The following HIPK1 variants were observed in gnomAD, a reference collection of about 807,000 sequenced individuals.
The protein encoded by HIPK1 is homeodomain interacting protein kinase 1.
HIPK1 carries 28 observed loss-of-function variants against 117.1 expected under a neutral mutation model. The ratio of observed to expected loss-of-function variants is 0.24; its 90% CI spans 0.18 to 0.33. The LOEUF (loss-of-function observed/expected upper bound fraction) is 0.33, where lower values mean the gene tolerates loss of function less well. Ranked by LOEUF, HIPK1 falls within the 10% of genes least tolerant of loss-of-function variation. HIPK1 has a pLI of 1.00. For synonymous variants in HIPK1, 605 were observed against 562.5 expected, an observed-to-expected ratio of 1.08 and a Z score of -1.07; for missense variants, 1,122 against 1,475.1, an observed-to-expected ratio of 0.76 and a Z score of 3.92.
chr1:113,966,038 T>C, intron 10 of HIPK1, 92 bp from the exon 11 acceptor site: 1 of 1,306,782 alleles, frequency 7.7e-7, no homozygotes, highest in South Asian at 1.4e-5. Flanking sequence ...GCAACTTCTT[T>C]TAAGATATGA....
intron 1 of HIPK1, among the ~76,000 whole-genome samples, chr1:113,933,794 G>C (rs1571639954): frequency 6.6e-6 from 1 of 152,250 alleles, no homozygotes; most frequent in East Asian, 1.9e-4. Context: ...TTGAGCCCTG[G>C]AGGTCCAGGC....
chr1:113,935,491 T>A (rs1365846350), intron 1 of HIPK1, among the ~76,000 whole-genome samples: 1 of 152,254 alleles, frequency 6.6e-6, no homozygotes, highest in Non-Finnish European at 1.5e-5. Flanking sequence ...AGTGAACATA[T>A]GCTTGTGTCT....
chr1:113,956,294 G>T (rs1671720645), intron 5 of HIPK1, among the ~76,000 whole-genome samples: 1 of 151,770 alleles, frequency 6.6e-6, no homozygotes, highest in Admixed American at 6.6e-5. Flanking sequence ...GCCAGGCTGG[G>T]TCTCAAACTC....
At chr1:113,948,230 A>G (rs79869479) in intron 2 of HIPK1, among the ~76,000 whole-genome samples, 5 of 152,290 alleles carry the variant, frequency 3.3e-5, no homozygotes, top group African/African-American at 7.2e-5. Context: ...GGCCCAAATA[A>G]TACAAAACCC....
At chr1:113,942,616 T>A (rs991457098) in intron 2 of HIPK1, among the ~76,000 whole-genome samples, 1 of 152,214 alleles carries the variant, frequency 6.6e-6, no homozygotes, top group Admixed American at 6.5e-5. Context: ...TATCCTAGAA[T>A]GGCCTTGACC....
intron 4 of HIPK1, among the ~76,000 whole-genome samples, chr1:113,955,015 G>T (rs1291419950): frequency 1.3e-5 from 2 of 152,226 alleles, no homozygotes; most frequent in African/African-American, 4.8e-5. Context: ...AGAAAGTTTG[G>T]AGGGTAGTGC....
Position 113,940,698 on chromosome 1 carries a change from C to G in HIPK1, c.315C>G (p.Thr105=). ...CATCAACCTTCCAAAGCAGCCAGAC[C>G]CTGACTCACAGAAGCAACGTTTCTT... ...AATSTFQSSQ[T]LTHRSNVSLL... is the part of the protein sequence containing the mutation. The change falls in exon 2 of 16, where the codon ACC becomes ACG. Residue 105 remains threonine (T), a synonymous_variant. Transcript: ENST00000426820. 2 of 1,614,152 alleles carry G rather than the reference C, an allele frequency of 1.2e-6. No homozygotes were observed. The highest frequency in any genetic ancestry group is 1.7e-6 in the Non-Finnish European group (2 of 1,180,044).
chr1:113,942,615 A>G (rs1486341623), intron 2 of HIPK1, among the ~76,000 whole-genome samples: 1 of 152,188 alleles, frequency 6.6e-6, no homozygotes, highest in Non-Finnish European at 1.5e-5. Flanking sequence ...TTATCCTAGA[A>G]TGGCCTTGAC....
At position 113,941,798 on chromosome 1, in the gene HIPK1, C is replaced by T. The variant is rs1419641799; in HGVS notation, c.1076+339C>T. Among the ~76,000 whole-genome samples, 3 of 152,144 alleles carry T rather than the reference C, an allele frequency of 2.0e-5. No homozygotes were observed. In the East Asian group the frequency reaches 5.8e-4, roughly 29 times the overall value. On this transcript the variant is annotated intron_variant, in intron 2 of 15. Coordinates refer to ENST00000426820, the MANE Select transcript of HIPK1 (RefSeq NM_198268.3). This position sits in a 1 kb window ranked among gnomAD's most constrained non-coding sequence, Gnocchi z 4.9. ...ATTTAGAGACAGAATCTCGCTCTGT[C>T]GCCCAGGCTGGAGTGCAGTGGCGTG...
chr1:113,962,372 T>A lies in HIPK1; in HGVS notation c.2037T>A (p.Ala679=). ...HSGFPVRMDN[A]VPIVPQAPAA... is the part of the protein sequence containing the mutation. Reference sequence around the variant, plus strand: ...GATTCCCTGTGAGGATGGATAATGCTGTACCGATTGTACCCCAGGCACCAG... The same window carrying A: ...GATTCCCTGTGAGGATGGATAATGCAGTACCGATTGTACCCCAGGCACCAG... The change falls in exon 9 of 16, where the codon GCT becomes GCA. Residue 679 remains alanine (A), a synonymous_variant. Coordinates refer to ENST00000426820, the MANE Select transcript of HIPK1 (RefSeq NM_198268.3). 1 of 1,614,022 alleles carries A rather than the reference T, an allele frequency of 6.2e-7. No individual in the cohort carries two copies. The highest frequency in any genetic ancestry group is 1.1e-5 in the South Asian group (1 of 91,084).
At chr1:113,945,988 TCA>T (rs1342590018) in intron 2 of HIPK1, among the ~76,000 whole-genome samples, 1 of 152,206 alleles carries the variant, frequency 6.6e-6, no homozygotes, top group African/African-American at 2.4e-5. Context: ...TTATATCTTT[TCA>T]CAGTTTTATA....
intron 14 of HIPK1, among the ~76,000 whole-genome samples, chr1:113,971,566 G>A (rs771960172): frequency 3.9e-5 from 6 of 152,056 alleles, no homozygotes; most frequent in African/African-American, 9.7e-5. Flanking sequence ...ATTTCCAGTC[G>A]TTCCTTGTAT....
intron 5 of HIPK1, 87 bp downstream of exon 5, chr1:113,955,736 A>G: frequency 2.9e-6 from 2 of 678,600 alleles, no homozygotes; most frequent in South Asian, 2.1e-5. Flanking sequence ...ATTTAATGTT[A>G]TCTTTCTAGT....
intron 15 of HIPK1, 117 bp downstream of exon 15, chr1:113,972,071 C>G: frequency 6.2e-7 from 1 of 1,611,904 alleles, no homozygotes; most frequent in East Asian, 2.2e-5. Flanking sequence ...TTGTGTCAAA[C>G]AATTTTGTGT....
At chr1:113,954,619 C>T (rs755317096) in intron 3 of HIPK1, 32 bp from the exon 4 acceptor site, 3 of 1,610,306 alleles carry the variant, frequency 1.9e-6, no homozygotes, top group Admixed American at 1.7e-5. Context: ...CTTTTCACTC[C>T]AAATAGTTGT....
Position 113,952,900 on chromosome 1 carries a change from T to A in HIPK1, c.1200+11T>A, listed in dbSNP as rs758440482. 1 of 1,479,270 alleles carries A rather than the reference T, an allele frequency of 6.8e-7. No homozygotes were observed. The highest frequency in any genetic ancestry group is 2.5e-5 in the East Asian group (1 of 40,190). The allele number at this position is 1,479,270 out of a possible 1,614,324, so 91.6% of individuals were successfully genotyped here. A position where few individuals can be genotyped will look rare whatever the true frequency, so the allele number is the denominator to read the frequency against. On this transcript the variant is annotated intron_variant, in intron 3 of 15. Transcript: ENST00000426820. ...TCAGAATATGATCAGGTAAAAGTGTTTATTTGAATGGAAATAGAATGCAAA... is the reference window on the plus strand; with the variant it reads ...TCAGAATATGATCAGGTAAAAGTGTATATTTGAATGGAAATAGAATGCAAA...
chr1:113,945,348 A>G (rs1434689581), intron 2 of HIPK1, among the ~76,000 whole-genome samples: 1 of 152,188 alleles, frequency 6.6e-6, no homozygotes, highest in Non-Finnish European at 1.5e-5. Context: ...GGTGAAGTGC[A>G]GTTTGTCTAC....
At chr1:113,968,773 C>T in intron 13 of HIPK1, 125 bp downstream of exon 13, 2 of 744,562 alleles carry the variant, frequency 2.7e-6, no homozygotes, top group South Asian at 3.3e-5. Flanking sequence ...GTAATCCCAG[C>T]ACTTTGGGAG....
At chr1:113,968,389 C>G in intron 12 of HIPK1, 53 bp from the exon 13 acceptor site, 1 of 1,309,580 alleles carries the variant, frequency 7.6e-7, no homozygotes, top group Admixed American at 1.7e-5. Flanking sequence ...AAAAGATACA[C>G]AATTTGGAAG....
Sources: gnomAD v4.1 joint callset for allele counts (sites outside exome capture counted in the v4.1 genomes callset) on GRCh38, gnomAD v4.1.1 for gene constraint, Gnocchi (gnomAD v3.1) non-coding constraint, MANE v1.5 for transcripts, NCBI Gene and HGNC (gene_info 2026-07-23, HGNC 2026-07-21) for gene names.